EBF2: variants seen among roughly 807,000 people sequenced by gnomAD.
EBF2 encodes transcription factor COE2.
In EBF2, 21 loss-of-function variants were observed where a neutral mutation model predicts 72.8. That is an observed-to-expected ratio of 0.29 (90% CI 0.20 to 0.42). EBF2 has a LOEUF of 0.42. EBF2 is among the 10% of genes least tolerant of loss of function. EBF2 has a pLI of 1.00. For synonymous variants in EBF2, 299 were observed against 274.2 expected, an observed-to-expected ratio of 1.09 and a Z score of -0.89; for missense variants, 637 against 731.2, an observed-to-expected ratio of 0.87 and a Z score of 1.49.
At chr8:26,006,726 G>A (rs901121045) in intron 6 of EBF2, among the ~76,000 whole-genome samples, 4 of 152,078 alleles carry the variant, frequency 2.6e-5, no homozygotes, top group African/African-American at 7.2e-5. Context: ...CAGGGCACAC[G>A]GCCAAGTCCC....
chr8:25,866,102 TA>T (rs1369336610), intron 10 of EBF2, among the ~76,000 whole-genome samples: 1 of 152,024 alleles, frequency 6.6e-6, no homozygotes, highest in East Asian at 1.9e-4. Context: ...ATTTTTTTTC[TA>T]TTACTTAGGC....
chr8:25,967,731 A>G (rs1335484287), intron 6 of EBF2, among the ~76,000 whole-genome samples: 1 of 152,228 alleles, frequency 6.6e-6, no homozygotes, highest in Non-Finnish European at 1.5e-5. Context: ...TGAATGCAGC[A>G]AAGAGTAGCA....
chr8:25,910,039 G>T (rs1803101354), intron 6 of EBF2, among the ~76,000 whole-genome samples: 1 of 152,136 alleles, frequency 6.6e-6, no homozygotes, highest in Non-Finnish European at 1.5e-5. Flanking sequence ...GAAGAGACCT[G>T]CGGAAGGATA....
At chr8:25,931,794 G>A (rs760110478) in intron 6 of EBF2, among the ~76,000 whole-genome samples, 1 of 152,080 alleles carries the variant, frequency 6.6e-6, no homozygotes, top group Non-Finnish European at 1.5e-5. Flanking sequence ...AAGGAAAGAC[G>A]GCCATATTTA....
intron 6 of EBF2, among the ~76,000 whole-genome samples, chr8:25,931,901 A>T (rs996490711): frequency 5.3e-5 from 8 of 152,118 alleles, no homozygotes; most frequent in African/African-American, 1.9e-4. Flanking sequence ...TATTAAATAT[A>T]TTTTTTTCAT....
At chr8:25,940,875 C>T (rs879333342) in intron 6 of EBF2, among the ~76,000 whole-genome samples, 60 of 152,174 alleles carry the variant, frequency 3.9e-4, no homozygotes, top group African/African-American at 1.4e-3. Context: ...CCCCCAGCCA[C>T]CAGTGCCTCC....
intron 6 of EBF2, among the ~76,000 whole-genome samples, chr8:25,978,409 T>A (rs1231784825): frequency 6.6e-6 from 1 of 152,182 alleles, no homozygotes; most frequent in Non-Finnish European, 1.5e-5. Flanking sequence ...TCAAGATGGC[T>A]GTTAGCTGCG....
intron 10 of EBF2, among the ~76,000 whole-genome samples, chr8:25,874,843 G>C (rs999348555): frequency 6.9e-6 from 1 of 145,924 alleles, no homozygotes; most frequent in African/African-American, 2.6e-5. Flanking sequence ...TGCCCCACCA[G>C]CCTGGCTAAC....
At chr8:25,959,214 A>C (rs1228363340) in intron 6 of EBF2, among the ~76,000 whole-genome samples, 2 of 152,086 alleles carry the variant, frequency 1.3e-5, no homozygotes, top group African/African-American at 4.8e-5. Flanking sequence ...GCTTGCTTAA[A>C]GTTTTTTTGA....
At chr8:26,039,507 A>C (rs1015267655) in intron 5 of EBF2, among the ~76,000 whole-genome samples, 1 of 152,100 alleles carries the variant, frequency 6.6e-6, no homozygotes, top group African/African-American at 2.4e-5. Context: ...CTCCTAAGAG[A>C]GCAACCTCCC....
intron 5 of EBF2, among the ~76,000 whole-genome samples, chr8:26,037,367 G>A (rs899334030): frequency 3.3e-5 from 5 of 152,162 alleles, no homozygotes; most frequent in Non-Finnish European, 7.4e-5. Flanking sequence ...CTCCAAAATA[G>A]TTTTTAAAAT....
At chr8:25,907,643 G>A (rs1463651103) in intron 7 of EBF2, among the ~76,000 whole-genome samples, 19 of 152,066 alleles carry the variant, frequency 1.2e-4, no homozygotes, top group South Asian at 2.1e-4. Context: ...TGTCTCAGGC[G>A]AAACATGAGG....
intron 6 of EBF2, among the ~76,000 whole-genome samples, chr8:26,022,004 A>T (rs573291927): frequency 6.6e-6 from 1 of 152,334 alleles, no homozygotes; most frequent in Non-Finnish European, 1.5e-5. Context: ...ATCACTGATT[A>T]TAGTAAAGTG....
chr8:26,029,083 G>A (rs978119787), intron 6 of EBF2, among the ~76,000 whole-genome samples: 1 of 152,170 alleles, frequency 6.6e-6, no homozygotes, highest in Non-Finnish European at 1.5e-5. Flanking sequence ...CAACTCTGGG[G>A]CTAAGTCTTG....
In EBF2 at chr8:26,002,860, AGGCG is replaced by A. The variant is rs1187929869; in HGVS notation, c.551+30221_551+30224del. On this transcript the variant is annotated intron_variant, in intron 6 of 15. Transcript: ENST00000520164. ...CAGGCAGGCAGGCAGGCAGGCGGGC[AGGCG>A]GGCAGGCGGGCAGGCGGGCAGGCGG... Among the ~76,000 whole-genome samples the A allele has an allele frequency of 5.5e-3, 489 of 89,408 alleles. 8 individuals are homozygous for A. The highest frequency in any genetic ancestry group is 0.014 in the African/African-American group (453 of 31,794). 58.7% of individuals were successfully genotyped at this position (89,408 alleles called of 152,430 possible).
chr8:25,843,392 T>A lies in EBF2; in HGVS notation c.*1217A>T, dbSNP rs1249312672. The A allele has an allele frequency of 6.6e-6, 1 of 152,236 alleles. No individual in the cohort carries two copies. The highest frequency in any genetic ancestry group is 1.5e-5 in the Non-Finnish European group (1 of 68,080). 9.4% of individuals were successfully genotyped at this position (152,236 alleles called of 1,614,324 possible). A position where few individuals can be genotyped will look rare whatever the true frequency, so the allele number is the denominator to read the frequency against. On this transcript the variant is annotated 3_prime_UTR_variant, in exon 16 of 16. Transcript: ENST00000520164. ...TCTAAGACTGACTCTAAAGAGTCCA[T>A]CAAACAGAGTTATCTTCTCCAAACC...
At chr8:25,892,854 C>T (rs115857331) in intron 7 of EBF2, among the ~76,000 whole-genome samples, 1,602 of 152,276 alleles carry the variant, frequency 0.011, 34 homozygotes, top group African/African-American at 0.035. Context: ...AATATAATTG[C>T]TCACAATTCA....
rs146928244 is a variant in EBF2 at position 26,034,745 on chromosome 8, C to T, written c.483-1592G>A. 4.6e-3 allele frequency among the ~76,000 whole-genome samples: 695 copies of T among 152,312 alleles called. 8 individuals are homozygous for T. Among genetic ancestry groups the T allele is most frequent in the African/African-American group, 0.016 (668 of 41,570 alleles). ...ACATGGCTTTTTAAAAAATCTTTAT[C>T]ATCCATACTGGTTGGAGAATATGCC... On this transcript the variant is annotated intron_variant, in intron 5 of 15. Transcript: ENST00000520164.
intron 6 of EBF2, among the ~76,000 whole-genome samples, chr8:25,984,755 A>G (rs1367008874): frequency 6.6e-6 from 1 of 151,984 alleles, no homozygotes; most frequent in South Asian, 2.1e-4. Flanking sequence ...TTTGCCCAGT[A>G]TTCTTTGATA....
Sources: allele counts gnomAD v4.1 joint callset (sites outside exome capture counted in the v4.1 genomes callset), GRCh38; gene constraint gnomAD v4.1.1; transcripts MANE v1.5; gene names NCBI Gene and HGNC (gene_info 2026-07-23, HGNC 2026-07-21).